Variants in TRAM2 observed in about 807,000 individuals in gnomAD.
TRAM2 encodes translocating chain-associated membrane protein 2.
Under a neutral mutation model 51.0 loss-of-function variants are expected in TRAM2, and 12 were observed. The ratio of observed to expected loss-of-function variants is 0.24; its 90% CI spans 0.15 to 0.38. The LOEUF (loss-of-function observed/expected upper bound fraction) is 0.38. TRAM2 is among the 10% of genes least tolerant of loss of function. The pLI, the probability that TRAM2 is intolerant of heterozygous loss-of-function variation, is 1.00. For synonymous variants in TRAM2, 175 were observed against 179.4 expected (o/e 0.98, Z 0.20); for missense variants, 361 against 462.0 (o/e 0.78, Z 2.00).
chr6:52,537,036 C>T (rs750521042), intron 1 of TRAM2, among the ~76,000 whole-genome samples: 5 of 152,204 alleles, frequency 3.3e-5, no homozygotes, highest in Non-Finnish European at 7.3e-5. Flanking sequence ...TGAGAGGTCA[C>T]TATCCTCAGC....
intron 1 of TRAM2, among the ~76,000 whole-genome samples, chr6:52,548,703 A>G (rs1767254155): frequency 6.6e-6 from 1 of 152,230 alleles, no homozygotes; most frequent in Non-Finnish European, 1.5e-5. Context: ...TCACCATGCT[A>G]CCTGAACGAT....
rs1371252222 is a variant in TRAM2, at chr6:52,508,252, G to A, written c.537C>T (p.Tyr179=). The change falls in exon 6 of 11, where the codon TAC becomes TAT. Residue 179 remains tyrosine (Y), a synonymous_variant. Transcript: ENST00000182527. ...AYWLHALPEL[Y]FQKVRKEEIP... ...CACTCACCTTCCGTACCTTCTGGAA[G>A]TATAGCTCAGGAAGTGCGTGCAGCC... 4.3e-6 allele frequency: 7 copies of A among 1,613,992 alleles called. No homozygotes were observed. The highest frequency in any genetic ancestry group is 1.7e-5 in the Admixed American group (1 of 60,008).
At chr6:52,503,382 A>AGGAGCCCC in intron 10 of TRAM2, 112 bp from the exon 11 acceptor site, 1 of 932,320 alleles carries the variant, frequency 1.1e-6, no homozygotes, top group South Asian at 1.3e-5. Context: ...GCTGCTATAC[A>AGGAGCCCC]TGGATGCACC....
intron 1 of TRAM2, among the ~76,000 whole-genome samples, chr6:52,569,893 T>C (rs1767649789): frequency 6.6e-6 from 1 of 152,154 alleles, no homozygotes; most frequent in South Asian, 2.1e-4. Flanking sequence ...CATTCAAATA[T>C]TGGAATTCAA....
At chr6:52,538,502 C>T (rs1767014084) in intron 1 of TRAM2, among the ~76,000 whole-genome samples, 1 of 152,178 alleles carries the variant, frequency 6.6e-6, no homozygotes, top group Non-Finnish European at 1.5e-5. Context: ...TGAGGAGGTG[C>T]TGCTGGCCCC....
intron 1 of TRAM2, among the ~76,000 whole-genome samples, chr6:52,567,220 C>T (rs76434873): frequency 0.085 from 12,920 of 152,186 alleles, 754 homozygotes; most frequent in Non-Finnish European, 0.12. Flanking sequence ...AGGCTAAAGG[C>T]GTGGTAAGTG....
intron 5 of TRAM2, 103 bp downstream of exon 5, chr6:52,509,425 G>T: frequency 8.9e-7 from 1 of 1,128,402 alleles, no homozygotes; most frequent in Non-Finnish European, 1.3e-6. Context: ...TGATCTGCTC[G>T]TCAGGCCAGC....
In TRAM2 at chr6:52,576,804, T is replaced by G. The variant is rs767626471; in HGVS notation, c.112A>C (p.Met38Leu). 8 of 1,613,054 alleles carry G rather than the reference T, an allele frequency of 5.0e-6. No homozygotes were observed. Among genetic ancestry groups the G allele is most frequent in the Middle Eastern group, 1.6e-4 (1 of 6,082 alleles). The change falls in exon 1 of 11, where the codon ATG becomes CTG. Residue 38 changes from methionine (M) to leucine (L), a missense_variant. Transcript: ENST00000182527. ...CCTCCCCAGGCTCTCACCTCGAACA[T>G]AAGCCCGATGAGGACGCAGAGCACC... is the stretch of plus-strand genomic sequence containing the variant. The part of the protein sequence containing the change: ...CLVLCVLIGL[M>L]FEVTAKTAFL...
intron 2 of TRAM2, chr6:52,522,859 A>G: frequency 1.4e-6 from 1 of 701,316 alleles, no homozygotes; most frequent in Non-Finnish European, 2.6e-6. Context: ...TATGACTAAT[A>G]GATATTTTCC....
At chr6:52,527,229 TTAGCCGGGCGTG>T (rs1400256206) in intron 2 of TRAM2, among the ~76,000 whole-genome samples, 2 of 151,566 alleles carry the variant, frequency 1.3e-5, no homozygotes, top group African/African-American at 4.8e-5. Context: ...AATACAAAAA[TTAGCCGGGCGTG>T]GTGGCGGGCG....
At chr6:52,510,162 C>T (rs969407014) in intron 4 of TRAM2, among the ~76,000 whole-genome samples, 2 of 152,212 alleles carry the variant, frequency 1.3e-5, no homozygotes, top group African/African-American at 4.8e-5. Context: ...ACTCTGACAC[C>T]TACCACACTG....
intron 2 of TRAM2, among the ~76,000 whole-genome samples, chr6:52,526,404 CTTTTTG>C (rs2114078934): frequency 6.6e-6 from 1 of 152,126 alleles, no homozygotes; most frequent in Admixed American, 6.5e-5. Context: ...TTCTGCATTG[CTTTTTG>C]TTTTTGTTTT....
chr6:52,577,046 G>A lies in TRAM2; in HGVS notation c.-131C>T. 8.9e-7 allele frequency: 1 copy of A among 1,126,976 alleles called. No individual in the cohort carries two copies. The highest frequency in any genetic ancestry group is 1.1e-6 in the Non-Finnish European group (1 of 900,940). The allele number at this position is 1,126,976 out of a possible 1,614,324, so 69.8% of individuals were successfully genotyped here. ...TCTCCCACAGCCGCTCGCCCGCCCA[G>A]CGCGGAACAACTTCGGGGCCCGCCC... is the stretch of plus-strand genomic sequence containing the variant. On this transcript the variant is annotated 5_prime_UTR_variant, in exon 1 of 11. Coordinates refer to ENST00000182527, the MANE Select transcript of TRAM2 (RefSeq NM_012288.4).
intron 2 of TRAM2, among the ~76,000 whole-genome samples, chr6:52,526,913 C>T (rs1373674551): frequency 7.2e-5 from 11 of 152,100 alleles, no homozygotes; most frequent in Admixed American, 7.2e-4. Context: ...AAGGTGTGAA[C>T]TTTTTAAAAT....
At chr6:52,520,915 T>TTTTTG (rs10649184) in intron 2 of TRAM2, among the ~76,000 whole-genome samples, 33,698 of 151,740 alleles carry the variant, frequency 0.22, 4,228 homozygotes, top group Non-Finnish European at 0.29. Context: ...ATCCTCCTAC[T>TTTTTG]TTTTGTTTTG....
chr6:52,523,056 C>T, intron 2 of TRAM2: 1 of 549,632 alleles, frequency 1.8e-6, no homozygotes, highest in Non-Finnish European at 3.2e-6. Context: ...GCCCTAGAAG[C>T]TTCTTCTTTT....
At chr6:52,550,188 AG>A (rs541646760) in intron 1 of TRAM2, among the ~76,000 whole-genome samples, 44 of 152,288 alleles carry the variant, frequency 2.9e-4, no homozygotes, top group African/African-American at 1.0e-3. Flanking sequence ...CAGTTCTGGC[AG>A]TCACTGCAAC....
chr6:52,525,338 C>T (rs1766758253), intron 2 of TRAM2, among the ~76,000 whole-genome samples: 1 of 152,224 alleles, frequency 6.6e-6, no homozygotes, highest in Non-Finnish European at 1.5e-5. Flanking sequence ...GGCAAGCAGC[C>T]TCCAAGGGCA....
In TRAM2 at chr6:52,500,521, T is replaced by TTTG. The variant is rs1766192606; in HGVS notation, c.*2675_*2676insCAA. 2.5e-5 allele frequency: 2 copies of TTTG among 78,558 alleles called. 1 individual carries two copies. The allele number at this position is 78,558 out of a possible 1,614,324, so 4.9% of individuals were successfully genotyped here. A position where few individuals can be genotyped will look rare whatever the true frequency, so the allele number is the denominator to read the frequency against. The stretch of plus-strand genomic sequence containing the variant: ...CAGCCCCACTCATGGTCTCAGGGTT[T>TTTG]TTTTTTGTTTTTTTTTTTTTTTTTA... On this transcript the variant is annotated 3_prime_UTR_variant, in exon 11 of 11. Transcript: ENST00000182527.
Sources: gnomAD v4.1 joint callset for allele counts (sites outside exome capture counted in the v4.1 genomes callset) on GRCh38, gnomAD v4.1.1 for gene constraint, MANE v1.5 for transcripts, NCBI Gene and HGNC (gene_info 2026-07-23, HGNC 2026-07-21) for gene names.